Variants in CAMK4 observed in about 807,000 individuals in gnomAD.
CAMK4 encodes calcium/calmodulin-dependent protein kinase type IV.
Under a neutral mutation model 44.9 loss-of-function variants are expected in CAMK4, and 22 were observed. The ratio of observed to expected loss-of-function variants is 0.49; its 90% confidence interval spans 0.35 to 0.70. The LOEUF is 0.70. CAMK4 is among the 30% of genes least tolerant of loss of function. The probability of loss-of-function intolerance (pLI) is 0.01; values close to 1 mark genes in which losing one functional copy is unlikely to be tolerated. For missense variants in CAMK4, 498 were observed against 586.8 expected, an observed-to-expected ratio of 0.85 and a Z score of 1.56; for synonymous variants, 218 against 215.4, an observed-to-expected ratio of 1.01 and a Z score of -0.11.
intron 1 of CAMK4, among the ~76,000 whole-genome samples, chr5:111,233,432 A>T (rs62376854): frequency 6.6e-6 from 1 of 152,124 alleles, no homozygotes; most frequent in East Asian, 1.9e-4. Flanking sequence ...TTTTTGTCTG[A>T]TACTGATTAT....
chr5:111,295,487 T>C (rs1327484577), intron 1 of CAMK4, among the ~76,000 whole-genome samples: 1 of 152,204 alleles, frequency 6.6e-6, no homozygotes, highest in Non-Finnish European at 1.5e-5. Flanking sequence ...ATCCTTTAGC[T>C]TCCAGTTTGG....
At chr5:111,253,458 A>G in intron 1 of CAMK4, among the ~76,000 whole-genome samples, 1 of 152,176 alleles carries the variant, frequency 6.6e-6, no homozygotes, top group Non-Finnish European at 1.5e-5. Context: ...TGGTTTTCTC[A>G]GTCATGTCAC....
At chr5:111,363,335 G>T (rs1032926274) in intron 2 of CAMK4, among the ~76,000 whole-genome samples, 2 of 151,954 alleles carry the variant, frequency 1.3e-5, no homozygotes, top group East Asian at 3.9e-4. Flanking sequence ...TGTTAAACCA[G>T]AATTTTTTTT....
chr5:111,301,580 G>A (rs1747720214), intron 1 of CAMK4, among the ~76,000 whole-genome samples: 1 of 152,108 alleles, frequency 6.6e-6, no homozygotes, highest in Non-Finnish European at 1.5e-5. Flanking sequence ...ATAGGAAGGT[G>A]AATTTTTCTT....
intron 7 of CAMK4, among the ~76,000 whole-genome samples, chr5:111,460,284 T>TTTTTG (rs1580783411): frequency 6.8e-6 from 1 of 147,972 alleles, no homozygotes; most frequent in African/African-American, 2.5e-5. Flanking sequence ...TTTTTTTTTT[T>TTTTTG]TGAGGCAGAG....
intron 1 of CAMK4, among the ~76,000 whole-genome samples, chr5:111,242,700 A>C (rs1749056587): frequency 1.3e-5 from 2 of 152,120 alleles, no homozygotes; most frequent in Non-Finnish European, 1.5e-5. Context: ...TTGCCGTCTT[A>C]CGCCCACCAC....
rs117423365 is a variant in CAMK4, at chr5:111,489,648, A to G, written c.*5182A>G. 9.8e-5 allele frequency: 15 copies of G among 152,322 alleles called. No individual in the cohort carries two copies. The East Asian group carries it at 2.9e-3, about 29-fold the overall frequency. 9.4% of individuals were successfully genotyped at this position (152,322 alleles called of 1,614,324 possible). A position where few individuals can be genotyped will look rare whatever the true frequency, so the allele number is the denominator to read the frequency against. Reference sequence around the variant, plus strand: ...GAAAGTGAACTGTCTTACTCCTTCAAAGGAATCAGATGTTGCTCTAGAGAA... The same window carrying G: ...GAAAGTGAACTGTCTTACTCCTTCAGAGGAATCAGATGTTGCTCTAGAGAA... On this transcript the variant is annotated 3_prime_UTR_variant, in exon 11 of 11. Transcript: ENST00000282356.
intron 5 of CAMK4, among the ~76,000 whole-genome samples, chr5:111,429,785 A>AAAAG (rs1753369137): frequency 1.1e-5 from 1 of 94,334 alleles, no homozygotes; most frequent in African/African-American, 3.9e-5. Context: ...CTCAAAAAAA[A>AAAAG]AAAAAAAAAA....
At chr5:111,233,468 G>A (rs1561350891) in intron 1 of CAMK4, among the ~76,000 whole-genome samples, 2 of 151,950 alleles carry the variant, frequency 1.3e-5, no homozygotes, top group African/African-American at 4.8e-5. Context: ...TTCACATAAT[G>A]TTTGTGAAAA....
intron 5 of CAMK4, among the ~76,000 whole-genome samples, chr5:111,429,686 G>C (rs1195043922): frequency 7.0e-6 from 1 of 142,806 alleles, no homozygotes; most frequent in African/African-American, 2.6e-5. Flanking sequence ...TGAGGTGGGA[G>C]GATTGCTTGA....
At chr5:111,410,974 G>A (rs1355012158) in intron 5 of CAMK4, among the ~76,000 whole-genome samples, 2 of 152,106 alleles carry the variant, frequency 1.3e-5, no homozygotes, top group Non-Finnish European at 2.9e-5. Flanking sequence ...GTACCTCCTG[G>A]TGCTTCATTT....
intron 7 of CAMK4, among the ~76,000 whole-genome samples, chr5:111,467,644 G>T (rs564778647): frequency 1.3e-5 from 2 of 152,024 alleles, no homozygotes; most frequent in African/African-American, 4.8e-5. Context: ...AATCAACACC[G>T]CAATGCAATG....
At chr5:111,229,899 C>T (rs980419846) in intron 1 of CAMK4, among the ~76,000 whole-genome samples, 3 of 152,158 alleles carry the variant, frequency 2.0e-5, no homozygotes, top group African/African-American at 7.2e-5. Context: ...TGACTGTAAG[C>T]TTCCAGAAGG....
intron 2 of CAMK4, among the ~76,000 whole-genome samples, chr5:111,370,579 C>T (rs1750965744): frequency 6.6e-6 from 1 of 152,084 alleles, no homozygotes; most frequent in Non-Finnish European, 1.5e-5. Flanking sequence ...TTAAAATTTT[C>T]TTTAAAGCAT....
At position 111,482,681 on chromosome 5, in the gene CAMK4, TG is replaced by T; in HGVS notation, c.829-102del. Reference sequence around the variant, plus strand: ...CAATTTTTTTCTCACATATATTTAGTGGTACTGCTGGGAAATGGAATAAGAT... The same window carrying T: ...CAATTTTTTTCTCACATATATTTAGTGTACTGCTGGGAAATGGAATAAGAT... On this transcript the variant is annotated intron_variant, in intron 9 of 10. Coordinates refer to ENST00000282356, the MANE Select transcript of CAMK4 (RefSeq NM_001744.6). The surrounding 1 kb of genome is among the most constrained non-coding windows in gnomAD (Gnocchi z 4.9). 1.1e-6 allele frequency: 1 copy of T among 916,762 alleles called. No homozygotes were observed. Among genetic ancestry groups the T allele is most frequent in the Non-Finnish European group, 1.7e-6 (1 of 600,192 alleles). The allele number at this position is 916,762 out of a possible 1,614,324, so 56.8% of individuals were successfully genotyped here. A position where few individuals can be genotyped will look rare whatever the true frequency, so the allele number is the denominator to read the frequency against.
At chr5:111,229,750 A>T (rs1748374205) in intron 1 of CAMK4, among the ~76,000 whole-genome samples, 1 of 152,142 alleles carries the variant, frequency 6.6e-6, no homozygotes, top group Admixed American at 6.5e-5. Context: ...TCTTACTAGG[A>T]ATTAAAAATA....
At chr5:111,385,723 G>A (rs773768775) in intron 4 of CAMK4, among the ~76,000 whole-genome samples, 3 of 152,020 alleles carry the variant, frequency 2.0e-5, no homozygotes, top group Admixed American at 6.5e-5. Flanking sequence ...ACAGGCACAC[G>A]CCACCAGGTC....
At chr5:111,369,586 C>T (rs1224765147) in intron 2 of CAMK4, among the ~76,000 whole-genome samples, 3 of 152,022 alleles carry the variant, frequency 2.0e-5, no homozygotes. Flanking sequence ...CTGATCTAAT[C>T]GAACACAGCT....
chr5:111,349,797 A>G (rs910149992), intron 2 of CAMK4, among the ~76,000 whole-genome samples: 2 of 152,020 alleles, frequency 1.3e-5, no homozygotes, highest in Non-Finnish European at 2.9e-5. Context: ...TAAGAAAATT[A>G]TGCTCCACCA....
Sources: gnomAD v4.1 joint callset for allele counts (sites outside exome capture counted in the v4.1 genomes callset) on GRCh38, gnomAD v4.1.1 for gene constraint, Gnocchi (gnomAD v3.1) non-coding constraint, MANE v1.5 for transcripts, NCBI Gene and HGNC (gene_info 2026-07-23, HGNC 2026-07-21) for gene names.